Variants in SCFD2 observed in about 807,000 individuals in gnomAD.
The protein encoded by SCFD2 is sec1 family domain-containing protein 2.
Under a neutral mutation model 58.9 loss-of-function variants are expected in SCFD2, and 54 were observed. The observed-to-expected ratio is 0.92, with a 90% CI of 0.74 to 1.15. The LOEUF (loss-of-function observed/expected upper bound fraction) is 1.15, where lower values mean the gene tolerates loss of function less well. SCFD2 is among the 50% of genes most tolerant of loss of function. The probability of loss-of-function intolerance (pLI) is 0.00; values close to 1 mark genes in which losing one functional copy is unlikely to be tolerated. For missense variants in SCFD2, 805 were observed against 836.6 expected, an observed-to-expected ratio of 0.96 and a Z score of 0.47; for synonymous variants, 321 against 335.9, an observed-to-expected ratio of 0.96 and a Z score of 0.49.
intron 3 of SCFD2, among the ~76,000 whole-genome samples, chr4:53,306,317 C>T (rs1335531748): frequency 6.6e-6 from 1 of 151,914 alleles, no homozygotes; most frequent in Non-Finnish European, 1.5e-5. Context: ...TTCTAGGAAA[C>T]TAGAAGTAAC....
intron 8 of SCFD2, among the ~76,000 whole-genome samples, chr4:52,882,625 C>T (rs1718644325): frequency 1.3e-5 from 2 of 152,176 alleles, no homozygotes; most frequent in South Asian, 4.1e-4. Context: ...ACTAGACTGG[C>T]TTAGTCTCCC....
At chr4:53,109,052 C>T (rs1368583142) in intron 5 of SCFD2, among the ~76,000 whole-genome samples, 1 of 152,200 alleles carries the variant, frequency 6.6e-6, no homozygotes, top group Non-Finnish European at 1.5e-5. Context: ...GGATGCAAGA[C>T]TGGTTCAACA....
At chr4:53,238,063 C>CA (rs1729722638) in intron 4 of SCFD2, among the ~76,000 whole-genome samples, 1 of 133,000 alleles carries the variant, frequency 7.5e-6, no homozygotes, top group Admixed American at 7.2e-5. Context: ...CTGACCCCCC[C>CA]ACCTCCCTCC....
intron 5 of SCFD2, among the ~76,000 whole-genome samples, chr4:52,988,354 A>T (rs1721544624): frequency 6.6e-6 from 1 of 152,182 alleles, no homozygotes; most frequent in South Asian, 2.1e-4. Context: ...ACTGGATCCC[A>T]TTGAATAATT....
intron 5 of SCFD2, among the ~76,000 whole-genome samples, chr4:52,933,541 A>C (rs1720053212): frequency 6.6e-6 from 1 of 152,068 alleles, no homozygotes; most frequent in Non-Finnish European, 1.5e-5. Flanking sequence ...GGTTTGAGAG[A>C]GTGGGGCTTG....
intron 5 of SCFD2, among the ~76,000 whole-genome samples, chr4:53,070,135 A>G (rs1723776094): frequency 6.6e-6 from 1 of 152,074 alleles, no homozygotes; most frequent in Admixed American, 6.6e-5. Flanking sequence ...TTTCTGCATC[A>G]GCAAAGAAAA....
At chr4:53,088,570 T>C (rs1454259991) in intron 5 of SCFD2, among the ~76,000 whole-genome samples, 1 of 152,222 alleles carries the variant, frequency 6.6e-6, no homozygotes. Flanking sequence ...CCTTTTGGAA[T>C]GGATATGTCT....
rs1724970307 is a variant in SCFD2 at position 53,105,599 on chromosome 4, A to G, written c.1561+39734T>C. Reference sequence around the variant, plus strand: ...GTTCAAACAAGATGGAGCCCACTGCAGCTCCGCAAAGCCGCAGTAGTCAGA... The same window carrying G: ...GTTCAAACAAGATGGAGCCCACTGCGGCTCCGCAAAGCCGCAGTAGTCAGA... On this transcript the variant is annotated intron_variant, in intron 5 of 8. Coordinates refer to ENST00000401642, the MANE Select transcript of SCFD2 (RefSeq NM_152540.4). Among the ~76,000 whole-genome samples the G allele has an allele frequency of 2.0e-5, 3 of 152,206 alleles. No homozygotes were observed. The South Asian group carries it at 6.2e-4, about 32-fold the overall frequency.
chr4:53,050,219 T>A (rs1298052971), intron 5 of SCFD2, among the ~76,000 whole-genome samples: 1 of 152,098 alleles, frequency 6.6e-6, no homozygotes, highest in African/African-American at 2.4e-5. Flanking sequence ...AGAAGCAAGA[T>A]CTTACCAGGA....
At chr4:53,269,956 G>T (rs1027792286) in intron 4 of SCFD2, among the ~76,000 whole-genome samples, 1 of 152,198 alleles carries the variant, frequency 6.6e-6, no homozygotes, top group African/African-American at 2.4e-5. Context: ...AACTCAGGAG[G>T]TGGAGGTTGC....
At chr4:52,952,174 T>C (rs1720609982) in intron 5 of SCFD2, among the ~76,000 whole-genome samples, 1 of 150,726 alleles carries the variant, frequency 6.6e-6, no homozygotes, top group South Asian at 2.1e-4. Context: ...TCTCTGTTCG[T>C]CTGTCTGAGT....
At chr4:53,313,527 G>T in intron 3 of SCFD2, 109 bp downstream of exon 3, 1 of 1,265,502 alleles carries the variant, frequency 7.9e-7, no homozygotes. Flanking sequence ...GTATACAAAA[G>T]TCGTTACTAC....
chr4:53,059,669 C>T (rs530505226), intron 5 of SCFD2, among the ~76,000 whole-genome samples: 33 of 151,712 alleles, frequency 2.2e-4, no homozygotes, highest in Non-Finnish European at 4.1e-4. Flanking sequence ...CCTCTTCTTC[C>T]GTATAGCCAA....
chr4:53,106,779 G>A (rs1166277590), intron 5 of SCFD2, among the ~76,000 whole-genome samples: 1 of 152,172 alleles, frequency 6.6e-6, no homozygotes, highest in African/African-American at 2.4e-5. Context: ...TGGAGAGAAT[G>A]AAACCAAGTT....
rs192146955 is a variant in SCFD2 at position 53,072,860 on chromosome 4, T to A, written c.1561+72473A>T. On this transcript the variant is annotated intron_variant, in intron 5 of 8. Coordinates refer to ENST00000401642, the MANE Select transcript of SCFD2 (RefSeq NM_152540.4). Reference sequence around the variant, plus strand: ...CACTCCTTGTGTGTCCGCATCCTAGTTTTCTGTGGCCACAAGACAATGAAT... The same window carrying A: ...CACTCCTTGTGTGTCCGCATCCTAGATTTCTGTGGCCACAAGACAATGAAT... Among the ~76,000 whole-genome samples, 138 of 152,224 alleles carry A rather than the reference T, an allele frequency of 9.1e-4. 2 individuals are homozygous for A. Among genetic ancestry groups the A allele is most frequent in the African/African-American group, 3.1e-3 (128 of 41,546 alleles).
intron 5 of SCFD2, among the ~76,000 whole-genome samples, chr4:53,056,416 T>A (rs1048897164): frequency 1.3e-5 from 2 of 152,160 alleles, no homozygotes; most frequent in African/African-American, 2.4e-5. Flanking sequence ...TAATGTGAAA[T>A]GTATATGTTT....
intron 5 of SCFD2, among the ~76,000 whole-genome samples, chr4:53,111,224 A>G (rs1160240261): frequency 1.3e-5 from 2 of 152,106 alleles, no homozygotes; most frequent in African/African-American, 4.8e-5. Context: ...AATAGGAGAA[A>G]TACATAAGGT....
At chr4:53,222,847 T>C (rs552746428) in intron 4 of SCFD2, among the ~76,000 whole-genome samples, 6 of 152,228 alleles carry the variant, frequency 3.9e-5, no homozygotes, top group Non-Finnish European at 7.3e-5. Flanking sequence ...AAAAGTAATA[T>C]AACTTCAGCT....
chr4:53,259,309 A>G (rs1028978871), intron 4 of SCFD2, among the ~76,000 whole-genome samples: 1 of 152,120 alleles, frequency 6.6e-6, no homozygotes, highest in Non-Finnish European at 1.5e-5. Context: ...CAATATCTAG[A>G]CGGTTTGTCC....
Sources: allele counts gnomAD v4.1 joint callset (sites outside exome capture counted in the v4.1 genomes callset), GRCh38; gene constraint gnomAD v4.1.1; transcripts MANE v1.5; gene names NCBI Gene and HGNC (gene_info 2026-07-23, HGNC 2026-07-21).